Variants in ATP8A2 observed in about 807,000 individuals in gnomAD.
ATP8A2 encodes phospholipid-transporting ATPase IB.
ATP8A2 carries 100 observed loss-of-function variants against 165.6 expected under a neutral mutation model. That is an observed-to-expected ratio of 0.60 (90% CI 0.51 to 0.71). ATP8A2 has a LOEUF of 0.71. Among genes scored for constraint, ATP8A2 ranks in the 30% least tolerant of loss-of-function variants. The pLI is 0.00. For synonymous variants in ATP8A2, 543 were observed against 548.8 expected, an observed-to-expected ratio of 0.99 and a Z score of 0.15; for missense variants, 1,227 against 1,479.5, an observed-to-expected ratio of 0.83 and a Z score of 2.80.
At chr13:25,843,106 C>T (rs1000891508) in intron 30 of ATP8A2, among the ~76,000 whole-genome samples, 18 of 152,164 alleles carry the variant, frequency 1.2e-4, no homozygotes, top group Non-Finnish European at 2.2e-4. Flanking sequence ...CACTGCCTCT[C>T]CTGCCCTCTG....
intron 28 of ATP8A2, among the ~76,000 whole-genome samples, chr13:25,835,775 C>G: frequency 6.6e-6 from 1 of 152,298 alleles, no homozygotes; most frequent in Non-Finnish European, 1.5e-5. Flanking sequence ...CCCAAGAACT[C>G]ATTGTCACTG....
chr13:25,807,863 A>T (rs1407932966), intron 27 of ATP8A2, among the ~76,000 whole-genome samples: 1 of 152,188 alleles, frequency 6.6e-6, no homozygotes, highest in Non-Finnish European at 1.5e-5. Context: ...TCACACACAC[A>T]GGAAGAAAGG....
At chr13:25,458,034 A>G (rs985927143) in intron 1 of ATP8A2, among the ~76,000 whole-genome samples, 1 of 152,218 alleles carries the variant, frequency 6.6e-6, no homozygotes. Context: ...GATAATTGGC[A>G]TGAGAAACTG....
chr13:25,765,389 T>G (rs574878825), intron 25 of ATP8A2, among the ~76,000 whole-genome samples: 186 of 152,320 alleles, frequency 1.2e-3, no homozygotes, highest in African/African-American at 4.2e-3. Context: ...GGCATGTGAC[T>G]CCAGGTCACA....
At chr13:25,732,346 A>G (rs1382579104) in intron 25 of ATP8A2, among the ~76,000 whole-genome samples, 1 of 152,206 alleles carries the variant, frequency 6.6e-6, no homozygotes, top group Non-Finnish European at 1.5e-5. Flanking sequence ...GACCAGCTAC[A>G]ATCCCTGGAG....
In ATP8A2 at chr13:25,445,650, C is replaced by T. The variant is rs201101753; in HGVS notation, c.77-23327C>T. 3.3e-5 allele frequency among the ~76,000 whole-genome samples: 5 copies of T among 152,114 alleles called. No individual in the cohort carries two copies. The East Asian group carries it at 7.7e-4, about 23-fold the overall frequency. ...AAATAGAGACTATGTGAGAAAAATA[C>T]CATTTGAATTTTACAGAGGAGGACT... On this transcript the variant is annotated intron_variant, in intron 1 of 36. Coordinates refer to ENST00000381655, the MANE Select transcript of ATP8A2 (RefSeq NM_016529.6).
intron 2 of ATP8A2, among the ~76,000 whole-genome samples, chr13:25,509,457 T>C (rs985373382): frequency 1.3e-5 from 2 of 152,002 alleles, no homozygotes; most frequent in Non-Finnish European, 2.9e-5. Context: ...ACAAATAAAA[T>C]TAAAAATATG....
chr13:25,765,878 A>T (rs191486302), intron 25 of ATP8A2, among the ~76,000 whole-genome samples: 12 of 152,314 alleles, frequency 7.9e-5, no homozygotes, highest in African/African-American at 2.6e-4. Flanking sequence ...GGGTCTGTTT[A>T]GGTCCTTCCC....
At chr13:26,002,848 CTGTG>C (rs199795279) in intron 35 of ATP8A2, among the ~76,000 whole-genome samples, 4,246 of 134,690 alleles carry the variant, frequency 0.032, 68 homozygotes, top group African/African-American at 0.049. Flanking sequence ...TAGTATTCCA[CTGTG>C]TGTGTGTGTG....
At chr13:25,571,991 AG>A (rs1358410271) in intron 18 of ATP8A2, among the ~76,000 whole-genome samples, 1 of 152,250 alleles carries the variant, frequency 6.6e-6, no homozygotes, top group African/African-American at 2.4e-5. Context: ...AAAATAACTT[AG>A]CGGCCCACTT....
chr13:25,790,693 C>CAA (rs113185440), intron 27 of ATP8A2, among the ~76,000 whole-genome samples: 14 of 92,656 alleles, frequency 1.5e-4, no homozygotes, highest in African/African-American at 4.2e-4. Flanking sequence ...GACCTTGTCT[C>CAA]AAAAAAAAAA....
At chr13:25,930,178 T>C (rs1357651252) in intron 33 of ATP8A2, among the ~76,000 whole-genome samples, 2 of 151,884 alleles carry the variant, frequency 1.3e-5, no homozygotes, top group Non-Finnish European at 2.9e-5. Context: ...ACGCTGACAC[T>C]CTCCCCTCAC....
At chr13:25,867,317 A>G (rs1029782812) in intron 33 of ATP8A2, among the ~76,000 whole-genome samples, 4 of 152,078 alleles carry the variant, frequency 2.6e-5, no homozygotes, top group Non-Finnish European at 2.9e-5. Flanking sequence ...TCTCCCCTGG[A>G]TTTGTAGCAG....
At chr13:26,017,169 G>A (rs1956996327) in intron 36 of ATP8A2, among the ~76,000 whole-genome samples, 1 of 152,184 alleles carries the variant, frequency 6.6e-6, no homozygotes. Flanking sequence ...TGGGGTGACT[G>A]TTCTTTACTC....
intron 27 of ATP8A2, among the ~76,000 whole-genome samples, chr13:25,788,514 T>C (rs2045088274): frequency 1.3e-5 from 2 of 152,182 alleles, no homozygotes; most frequent in South Asian, 4.1e-4. Context: ...TGGCTTGAGC[T>C]AGAAGCCCTG....
rs906765729 is a variant in ATP8A2, at chr13:25,540,177, T to A, written c.582-142T>A. On this transcript the variant is annotated intron_variant, in intron 7 of 36. Coordinates refer to ENST00000381655, the MANE Select transcript of ATP8A2 (RefSeq NM_016529.6). ...AGTGTGTGTTTCCTTTTTCATCCAT[T>A]ACTCCTACTATCGTGGTTATTTATA... 7.4e-5 allele frequency: 48 copies of A among 648,652 alleles called. No homozygotes were observed. In the African/African-American group the frequency reaches 8.2e-4, roughly 11 times the overall value. 40.2% of individuals were successfully genotyped at this position (648,652 alleles called of 1,614,324 possible).
In ATP8A2 at chr13:25,892,483, T is replaced by TCTCG. The variant is rs546336827; in HGVS notation, c.3183+30078_3183+30079insGCTC. ...CTCTCTCTCTCTGTCTCTCTGTCTC[T>TCTCG]CTCTCTCTCTCTCTCTCTCTCCTTC... is the stretch of plus-strand genomic sequence containing the variant. On this transcript the variant is annotated intron_variant, in intron 33 of 36. Coordinates refer to ENST00000381655, the MANE Select transcript of ATP8A2 (RefSeq NM_016529.6). Among the ~76,000 whole-genome samples, 78 of 150,806 alleles carry TCTCG rather than the reference T, an allele frequency of 5.2e-4. 1 individual carries two copies. Among genetic ancestry groups the TCTCG allele is most frequent in the African/African-American group, 1.8e-3 (75 of 40,758 alleles).
chr13:26,018,313 C>T lies in ATP8A2; in HGVS notation c.3470-1575C>T, dbSNP rs1442728711. ...GCCTGAGTGTCTTCTTTTAAAGTCT[C>T]CTCCTCTTCTCCATCCCACGAGGAC... On this transcript the variant is annotated intron_variant, in intron 36 of 36. Transcript: ENST00000381655. Among the ~76,000 whole-genome samples, 3 of 152,210 alleles carry T rather than the reference C, an allele frequency of 2.0e-5. No homozygotes were observed. In the East Asian group the frequency reaches 5.8e-4, roughly 29 times the overall value.
chr13:25,659,836 A>G (rs1010366285), intron 24 of ATP8A2, among the ~76,000 whole-genome samples: 12 of 152,202 alleles, frequency 7.9e-5, no homozygotes, highest in Non-Finnish European at 1.6e-4. Flanking sequence ...TCAGAAGTCA[A>G]TTTGGCAGCT....
Sources: allele counts gnomAD v4.1 joint callset (sites outside exome capture counted in the v4.1 genomes callset), GRCh38; gene constraint gnomAD v4.1.1; transcripts MANE v1.5; gene names NCBI Gene and HGNC (gene_info 2026-07-23, HGNC 2026-07-21).